The following RASGEF1A variants were observed in gnomAD, a reference collection of about 807,000 sequenced individuals.
RASGEF1A encodes RasGEF domain family member 1A, also known as ras-GEF domain-containing family member 1A.
Under a neutral mutation model 56.4 loss-of-function variants are expected in RASGEF1A, and 18 were observed. The observed-to-expected ratio is 0.32, with a 90% CI of 0.22 to 0.47. The LOEUF (loss-of-function observed/expected upper bound fraction) is 0.47, where lower values mean the gene tolerates loss of function less well. Among genes scored for constraint, RASGEF1A ranks in the 20% least tolerant of loss-of-function variants. The probability of loss-of-function intolerance (pLI) is 1.00; values close to 1 mark genes in which losing one functional copy is unlikely to be tolerated. For synonymous variants in RASGEF1A, 245 were observed against 242.6 expected (o/e 1.01, Z -0.09); for missense variants, 422 against 627.1 (o/e 0.67, Z 3.49).
chr10:43,265,415 T>A (rs1027266123), intron 1 of RASGEF1A, among the ~76,000 whole-genome samples: 1 of 152,232 alleles, frequency 6.6e-6, no homozygotes, highest in African/African-American at 2.4e-5. Context: ...GCTCATGCCC[T>A]TCTCAGGAGC....
chr10:43,208,840 G>T, intron 1 of RASGEF1A: 1 of 985,554 alleles, frequency 1.0e-6, no homozygotes, highest in Non-Finnish European at 1.2e-6. Flanking sequence ...CAAGTGGAGA[G>T]GCAGGTTCCC....
At chr10:43,231,618 T>C (rs1168457994) in intron 1 of RASGEF1A, among the ~76,000 whole-genome samples, 1 of 152,248 alleles carries the variant, frequency 6.6e-6, no homozygotes, top group Non-Finnish European at 1.5e-5. Context: ...GGCAGACGCT[T>C]CCCCGGGAGG....
At chr10:43,217,995 G>C (rs1840159590) in intron 1 of RASGEF1A, among the ~76,000 whole-genome samples, 1 of 152,182 alleles carries the variant, frequency 6.6e-6, no homozygotes, top group African/African-American at 2.4e-5. Context: ...TCTAGGCATG[G>C]GCTGGGCGTC....
chr10:43,263,810 G>A (rs577784859), intron 1 of RASGEF1A, among the ~76,000 whole-genome samples: 9 of 152,206 alleles, frequency 5.9e-5, no homozygotes, highest in Non-Finnish European at 1.2e-4. Context: ...GGGAGGTGCT[G>A]CAGCAGAGCC....
intron 3 of RASGEF1A, 52 bp from the exon 4 acceptor site, chr10:43,201,997 T>C (rs1460363024): frequency 1.3e-6 from 2 of 1,517,682 alleles, no homozygotes; most frequent in African/African-American, 2.7e-5. Flanking sequence ...AGTAGGGTAC[T>C]AGATGGCAAA....
chr10:43,259,817 C>A (rs1244081695), intron 1 of RASGEF1A, among the ~76,000 whole-genome samples: 1 of 152,082 alleles, frequency 6.6e-6, no homozygotes, highest in African/African-American at 2.4e-5. Flanking sequence ...CCAGCTGAGC[C>A]CCAAGGTGGG....
chr10:43,250,485 G>A (rs376996655), intron 1 of RASGEF1A, among the ~76,000 whole-genome samples: 13 of 152,220 alleles, frequency 8.5e-5, no homozygotes, highest in Middle Eastern at 3.2e-3. Flanking sequence ...CACCCAAGAC[G>A]ACTGCTAGAA....
At chr10:43,238,149 T>C (rs962408174) in intron 1 of RASGEF1A, among the ~76,000 whole-genome samples, 1 of 105,786 alleles carries the variant, frequency 9.5e-6, no homozygotes, top group Non-Finnish European at 2.0e-5. Flanking sequence ...GGGTTTGCCA[T>C]CACAGAGTAA....
At chr10:43,204,316 G>A (rs746685025) in intron 2 of RASGEF1A, among the ~76,000 whole-genome samples, 4 of 152,168 alleles carry the variant, frequency 2.6e-5, no homozygotes, top group Non-Finnish European at 4.4e-5. Context: ...GGTTGTGCTT[G>A]CTGGGAGTAC....
At chr10:43,244,376 G>T (rs1318259015) in intron 1 of RASGEF1A, among the ~76,000 whole-genome samples, 1 of 136,728 alleles carries the variant, frequency 7.3e-6, no homozygotes, top group African/African-American at 2.7e-5. Flanking sequence ...ACCTAAGAAT[G>T]ATCAATAAAT....
chr10:43,242,971 A>T (rs1344586124), intron 1 of RASGEF1A, among the ~76,000 whole-genome samples: 3 of 152,090 alleles, frequency 2.0e-5, no homozygotes, highest in Non-Finnish European at 1.5e-5. Flanking sequence ...GGAAGTGAGC[A>T]GCGTCTCTGC....
intron 1 of RASGEF1A, among the ~76,000 whole-genome samples, chr10:43,252,132 C>T (rs574387492): frequency 1.5e-4 from 23 of 152,326 alleles, no homozygotes; most frequent in Admixed American, 1.3e-3. Flanking sequence ...CTGGGGCAGG[C>T]CCCCAGAAGC....
chr10:43,228,274 A>T lies in RASGEF1A; in HGVS notation c.-6-22152T>A, dbSNP rs1840309205. Among the ~76,000 whole-genome samples, 3 of 151,830 alleles carry T rather than the reference A, an allele frequency of 2.0e-5. No homozygotes were observed. In the South Asian group the frequency reaches 6.2e-4, roughly 32 times the overall value. On this transcript the variant is annotated intron_variant, in intron 1 of 12. Transcript: ENST00000395810. ...AGCTCCCTCCCTCCCCTCCTTCAGC[A>T]GGTCCTGTGCACACGTCTCCTCTGG...
chr10:43,213,323 A>C (rs925474957), intron 1 of RASGEF1A, among the ~76,000 whole-genome samples: 62 of 152,232 alleles, frequency 4.1e-4, no homozygotes, highest in Admixed American at 3.9e-3. Context: ...CATGTAAAAA[A>C]TACATGTACC....
At chr10:43,251,363 G>A (rs1588951055) in intron 1 of RASGEF1A, among the ~76,000 whole-genome samples, 2 of 152,288 alleles carry the variant, frequency 1.3e-5, no homozygotes, top group South Asian at 4.1e-4. Flanking sequence ...TGCCTGAAGC[G>A]TCTTGTGGGG....
intron 1 of RASGEF1A, among the ~76,000 whole-genome samples, chr10:43,262,607 G>C (rs757284404): frequency 2.0e-5 from 3 of 152,258 alleles, no homozygotes; most frequent in South Asian, 2.1e-4. Context: ...CCACTGTCTC[G>C]TGGCTGGGCT....
chr10:43,217,082 G>T (rs923098782), intron 1 of RASGEF1A, among the ~76,000 whole-genome samples: 2 of 152,142 alleles, frequency 1.3e-5, no homozygotes, highest in Non-Finnish European at 2.9e-5. Flanking sequence ...TGAGGTAGGG[G>T]CCACCCCCAC....
chr10:43,233,265 G>A (rs1175655659), intron 1 of RASGEF1A, among the ~76,000 whole-genome samples: 1 of 152,198 alleles, frequency 6.6e-6, no homozygotes, highest in African/African-American at 2.4e-5. Context: ...ACTGTAACAT[G>A]TCTATGCACA....
chr10:43,230,507 C>T (rs1446154172), intron 1 of RASGEF1A, among the ~76,000 whole-genome samples: 2 of 152,190 alleles, frequency 1.3e-5, no homozygotes, highest in Admixed American at 6.5e-5. Flanking sequence ...CCGAAGAGCG[C>T]CCTCTCTGGG....
Sources: gnomAD v4.1 joint callset for allele counts (sites outside exome capture counted in the v4.1 genomes callset) on GRCh38, gnomAD v4.1.1 for gene constraint, MANE v1.5 for transcripts, NCBI Gene and HGNC (gene_info 2026-07-23, HGNC 2026-07-21) for gene names.